The following OR3A2 variants were observed in gnomAD, a reference collection of about 807,000 sequenced individuals.
The protein encoded by OR3A2 is olfactory receptor 3A2.
For synonymous variants in OR3A2, 126 were observed against 159.3 expected (o/e 0.79, Z 1.57); for missense variants, 318 against 392.8 (o/e 0.81, Z 1.61).
intron 1 of OR3A2, among the ~76,000 whole-genome samples, chr17:3,385,134 C>A (rs1285732181): frequency 6.6e-6 from 1 of 152,158 alleles, no homozygotes; most frequent in Non-Finnish European, 1.5e-5. Flanking sequence ...GCAGAGGTTG[C>A]GGTGAGCTGA....
intron 2 of OR3A2, among the ~76,000 whole-genome samples, chr17:3,376,862 T>A (rs1173351275): frequency 1.3e-5 from 2 of 152,174 alleles, no homozygotes; most frequent in Non-Finnish European, 2.9e-5. Flanking sequence ...AGGGATGGCT[T>A]CCCTGGGCTT....
At chr17:3,378,406 GC>G (rs1366601592) in intron 2 of OR3A2, among the ~76,000 whole-genome samples, 1 of 152,228 alleles carries the variant, frequency 6.6e-6, no homozygotes, top group Non-Finnish European at 1.5e-5. Context: ...TGGAGCAGGT[GC>G]CAGGAGTAGG....
At chr17:3,294,474 C>T (rs569141352) in intron 3 of OR3A2, among the ~76,000 whole-genome samples, 3 of 151,938 alleles carry the variant, frequency 2.0e-5, no homozygotes, top group Non-Finnish European at 4.4e-5. Flanking sequence ...TATGTACATT[C>T]GAGTTACCAA....
chr17:3,287,367 C>T (rs1439811955), upstream of OR3A2, among the ~76,000 whole-genome samples: 3 of 152,120 alleles, frequency 2.0e-5, no homozygotes, highest in Non-Finnish European at 4.4e-5. Flanking sequence ...CACCCCCCTC[C>T]CACCCACTCC....
At chr17:3,297,207 A>G (rs1335128636) in intron 3 of OR3A2, among the ~76,000 whole-genome samples, 2 of 152,172 alleles carry the variant, frequency 1.3e-5, no homozygotes, top group Admixed American at 6.5e-5. Flanking sequence ...TCTTAAATCA[A>G]CAATTCCTGT....
chr17:3,339,105 G>T (rs1288003025), intron 2 of OR3A2, among the ~76,000 whole-genome samples: 1 of 152,076 alleles, frequency 6.6e-6, no homozygotes, highest in Non-Finnish European at 1.5e-5. Context: ...TATGATTTTT[G>T]CACATTGATT....
intron 2 of OR3A2, among the ~76,000 whole-genome samples, chr17:3,347,621 C>T (rs763297854): frequency 6.6e-6 from 1 of 152,206 alleles, no homozygotes; most frequent in East Asian, 1.9e-4. Context: ...ATATCTGCCA[C>T]ATTTTCTTAA....
chr17:3,372,243 GCTC>G (rs1200235355), intron 2 of OR3A2, among the ~76,000 whole-genome samples: 1 of 148,220 alleles, frequency 6.7e-6, no homozygotes, highest in African/African-American at 2.5e-5. Flanking sequence ...GGGCAGAGAT[GCTC>G]CTCACTTCCT....
At chr17:3,368,993 T>C (rs555628960) in intron 2 of OR3A2, among the ~76,000 whole-genome samples, 85 of 152,320 alleles carry the variant, frequency 5.6e-4, no homozygotes, top group Admixed American at 1.2e-3. Flanking sequence ...ATATTTTTTG[T>C]AGCAGTTGTA....
intron 2 of OR3A2, among the ~76,000 whole-genome samples, chr17:3,362,860 A>T (rs2049529928): frequency 6.6e-6 from 1 of 151,770 alleles, no homozygotes; most frequent in Admixed American, 6.6e-5. Context: ...GTGCACCCAC[A>T]GGCCCAACAC....
intron 3 of OR3A2, among the ~76,000 whole-genome samples, chr17:3,325,134 T>C (rs1407999160): frequency 6.6e-6 from 1 of 152,044 alleles, no homozygotes; most frequent in Non-Finnish European, 1.5e-5. Flanking sequence ...AAATTCATTT[T>C]AGTAAATGTT....
chr17:3,346,603 C>G (rs1168372043), intron 2 of OR3A2, among the ~76,000 whole-genome samples: 1 of 151,986 alleles, frequency 6.6e-6, no homozygotes, highest in African/African-American at 2.4e-5. Context: ...TATAGTTACT[C>G]TGCTGTGCTA....
At chr17:3,335,159 C>G (rs2049267829) in intron 3 of OR3A2, among the ~76,000 whole-genome samples, 1 of 152,104 alleles carries the variant, frequency 6.6e-6, no homozygotes, top group South Asian at 2.1e-4. Context: ...ATGTATTCAC[C>G]AGTATCTCAG....
rs200340031 is a variant in OR3A2, at chr17:3,345,843, C to CA, written c.-178-9718dup. Among the ~76,000 whole-genome samples the CA allele has an allele frequency of 7.2e-5, 11 of 151,998 alleles. No homozygotes were observed. The East Asian group carries it at 7.8e-4, about 11-fold the overall frequency. On this transcript the variant is annotated intron_variant, in intron 2 of 4. Coordinates refer to the OR3A2 transcript ENST00000573491. Reference sequence around the variant, plus strand: ...AAAAATTGAATAAAGTACCCACATTCAAAACAAAATGGATTAAAACTAAAT... The same window carrying CA: ...AAAAATTGAATAAAGTACCCACATTCAAAAACAAAATGGATTAAAACTAAAT...
chr17:3,386,073 G>A, intron 1 of OR3A2, 52 bp downstream of exon 1: 2 of 398,808 alleles, frequency 5.0e-6, no homozygotes, highest in Non-Finnish European at 8.8e-6. Flanking sequence ...TGGTGGCGCT[G>A]GTGAGATCCG....
chr17:3,384,095 G>A (rs965732957), intron 1 of OR3A2, among the ~76,000 whole-genome samples: 1 of 152,120 alleles, frequency 6.6e-6, no homozygotes, highest in African/African-American at 2.4e-5. Context: ...CCTGCAAGGA[G>A]CTTCCCTGCT....
intron 2 of OR3A2, among the ~76,000 whole-genome samples, chr17:3,362,984 T>C (rs910425664): frequency 1.3e-5 from 2 of 151,896 alleles, no homozygotes; most frequent in African/African-American, 2.4e-5. Flanking sequence ...CAGGGTGCCA[T>C]GTCCCAAGGC....
intron 2 of OR3A2, among the ~76,000 whole-genome samples, chr17:3,340,895 AGTCTAAG>A (rs2049311676): frequency 6.6e-6 from 1 of 152,170 alleles, no homozygotes; most frequent in Non-Finnish European, 1.5e-5. Context: ...AAAGTGTGGG[AGTCTAAG>A]TCTCTTTGTA....
chr17:3,370,115 G>C (rs535664097), intron 2 of OR3A2, among the ~76,000 whole-genome samples: 4 of 152,062 alleles, frequency 2.6e-5, no homozygotes, highest in Non-Finnish European at 5.9e-5. Context: ...ATTCTTCTTT[G>C]GATGTCTGAT....
Sources: gnomAD v4.1 joint callset for allele counts (sites outside exome capture counted in the v4.1 genomes callset) on GRCh38, gnomAD v4.1.1 for gene constraint, MANE v1.5 for transcripts, NCBI Gene and HGNC (gene_info 2026-07-23, HGNC 2026-07-21) for gene names.